Variants in KCND2 observed in about 807,000 individuals in gnomAD.
The protein encoded by KCND2 is potassium voltage-gated channel subfamily D member 2, also known as A-type voltage-gated potassium channel KCND2.
In KCND2, 16 loss-of-function variants were observed where a neutral mutation model predicts 54.4. The observed-to-expected ratio is 0.29, with a 90% CI of 0.20 to 0.45. The LOEUF is 0.45. Among genes scored for constraint, KCND2 ranks in the 20% least tolerant of loss-of-function variants. The pLI is 1.00. For synonymous variants in KCND2, 317 were observed against 310.7 expected (o/e 1.02, Z -0.21); for missense variants, 486 against 824.2 (o/e 0.59, Z 5.02).
rs146880503 is a variant in KCND2, at chr7:120,588,402, A to AGAGTGTGT, written c.1116-144500_1116-144499insAGTGTGTG. Among the ~76,000 whole-genome samples the AGAGTGTGT allele has an allele frequency of 5.5e-4, 78 of 141,410 alleles. 2 individuals are homozygous for AGAGTGTGT. The highest frequency in any genetic ancestry group is 7.1e-3 in the Middle Eastern group (2 of 282). The allele number at this position is 141,410 out of a possible 152,430, so 92.8% of individuals were successfully genotyped here. On this transcript the variant is annotated intron_variant, in intron 1 of 5. Coordinates refer to ENST00000331113, the MANE Select transcript of KCND2 (RefSeq NM_012281.3). ...GAATAATAGAGGGAGGCAACTGTGC[A>AGAGTGTGT]GTGTGTGTGTGTGTGTGTGTGTGTG...
intron 1 of KCND2, among the ~76,000 whole-genome samples, chr7:120,368,566 G>C (rs1800719278): frequency 6.6e-6 from 1 of 151,962 alleles, no homozygotes; most frequent in Non-Finnish European, 1.5e-5. Context: ...ATATTTGAGA[G>C]CATTTTTATT....
At chr7:120,498,138 C>G (rs187615478) in intron 1 of KCND2, among the ~76,000 whole-genome samples, 2 of 152,290 alleles carry the variant, frequency 1.3e-5, no homozygotes, top group East Asian at 1.9e-4. Context: ...TTACAACGGA[C>G]AGCAGATCCC....
At chr7:120,518,655 A>G (rs1048268586) in intron 1 of KCND2, among the ~76,000 whole-genome samples, 1 of 152,180 alleles carries the variant, frequency 6.6e-6, no homozygotes, top group African/African-American at 2.4e-5. Flanking sequence ...TAGCTGCTCT[A>G]TAGGTGAGAA....
intron 1 of KCND2, among the ~76,000 whole-genome samples, chr7:120,305,697 A>AGTG (rs1799644141): frequency 6.6e-6 from 1 of 152,158 alleles, no homozygotes; most frequent in South Asian, 2.1e-4. Flanking sequence ...TCAAGCTTTA[A>AGTG]GTGGTACTTC....
chr7:120,629,209 C>T (rs555992301), intron 1 of KCND2, among the ~76,000 whole-genome samples: 1 of 152,154 alleles, frequency 6.6e-6, no homozygotes, highest in Admixed American at 6.5e-5. Context: ...AAGAAGGGGC[C>T]GGGCACAGTG....
At chr7:120,333,616 A>G (rs1800099989) in intron 1 of KCND2, among the ~76,000 whole-genome samples, 1 of 152,168 alleles carries the variant, frequency 6.6e-6, no homozygotes, top group Non-Finnish European at 1.5e-5. Flanking sequence ...AATGATTTTA[A>G]TATAATAATT....
chr7:120,330,289 A>G (rs1309154604), intron 1 of KCND2, among the ~76,000 whole-genome samples: 1 of 152,118 alleles, frequency 6.6e-6, no homozygotes, highest in Non-Finnish European at 1.5e-5. Flanking sequence ...GCGCATAATA[A>G]AAAAAGTAGG....
At chr7:120,425,386 G>A (rs77337867) in intron 1 of KCND2, among the ~76,000 whole-genome samples, 5,384 of 152,274 alleles carry the variant, frequency 0.035, 270 homozygotes, top group South Asian at 0.24. Context: ...GCCTGCCTGC[G>A]ACAATATTTC....
intron 1 of KCND2, among the ~76,000 whole-genome samples, chr7:120,699,330 G>A (rs957869604): frequency 3.3e-5 from 5 of 151,968 alleles, no homozygotes; most frequent in Non-Finnish European, 5.9e-5. Context: ...CCAAATTATG[G>A]ATCAATTTGC....
chr7:120,746,578 G>A (rs988661025), intron 5 of KCND2, among the ~76,000 whole-genome samples: 2 of 152,028 alleles, frequency 1.3e-5, no homozygotes, highest in Non-Finnish European at 2.9e-5. Context: ...AATAAGTGAA[G>A]TACTAAAATT....
At chr7:120,644,771 G>C (rs1277465360) in intron 1 of KCND2, among the ~76,000 whole-genome samples, 1 of 152,122 alleles carries the variant, frequency 6.6e-6, no homozygotes, top group Non-Finnish European at 1.5e-5. Context: ...ATTTACTTAA[G>C]ATCAAGCCCT....
At chr7:120,452,411 G>T (rs1802126194) in intron 1 of KCND2, among the ~76,000 whole-genome samples, 1 of 152,176 alleles carries the variant, frequency 6.6e-6, no homozygotes, top group African/African-American at 2.4e-5. Flanking sequence ...AACATGTGAT[G>T]CTGAGGGACT....
At chr7:120,599,295 T>A (rs981512143) in intron 1 of KCND2, among the ~76,000 whole-genome samples, 2 of 152,048 alleles carry the variant, frequency 1.3e-5, no homozygotes, top group Non-Finnish European at 1.5e-5. Context: ...TCTCTAACAT[T>A]CCTCTTCTTC....
chr7:120,438,709 T>C (rs923304290), intron 1 of KCND2, among the ~76,000 whole-genome samples: 10 of 152,120 alleles, frequency 6.6e-5, no homozygotes, highest in African/African-American at 2.4e-4. Flanking sequence ...ATGTCACACA[T>C]GAAAAAATAT....
intron 1 of KCND2, among the ~76,000 whole-genome samples, chr7:120,695,156 G>A (rs965246225): frequency 5.3e-5 from 8 of 151,432 alleles, no homozygotes; most frequent in South Asian, 2.1e-4. Context: ...TATAAAAATC[G>A]AAACAGAAAA....
chr7:120,741,758 T>C, intron 3 of KCND2, 129 bp downstream of exon 3: 1 of 750,378 alleles, frequency 1.3e-6, no homozygotes, highest in African/African-American at 1.7e-5. Flanking sequence ...AGTGTGTTTG[T>C]TTGTGTTTTT....
At chr7:120,601,645 G>A (rs79367436) in intron 1 of KCND2, among the ~76,000 whole-genome samples, 3,672 of 152,188 alleles carry the variant, frequency 0.024, 148 homozygotes, top group African/African-American at 0.084. Flanking sequence ...TCTATGTTAT[G>A]TTGCATATTT....
intron 1 of KCND2, among the ~76,000 whole-genome samples, chr7:120,732,268 TAGG>T (rs905325486): frequency 3.3e-5 from 5 of 151,928 alleles, no homozygotes; most frequent in Non-Finnish European, 7.4e-5. Context: ...GCCAATGAGA[TAGG>T]AGGGAAAATA....
At chr7:120,501,735 A>G (rs1441112605) in intron 1 of KCND2, among the ~76,000 whole-genome samples, 3 of 152,114 alleles carry the variant, frequency 2.0e-5, no homozygotes, top group Non-Finnish European at 4.4e-5. Flanking sequence ...AATCCTGACA[A>G]TTCTACTTTG....
Sources: gnomAD v4.1 joint callset for allele counts (sites outside exome capture counted in the v4.1 genomes callset) on GRCh38, gnomAD v4.1.1 for gene constraint, MANE v1.5 for transcripts, NCBI Gene and HGNC (gene_info 2026-07-23, HGNC 2026-07-21) for gene names.